WT1: variants seen among roughly 807,000 people sequenced by gnomAD.
The protein encoded by WT1 is WT1 transcription factor, also known as Wilms tumor protein.
Under a neutral mutation model 60.8 loss-of-function variants are expected in WT1, and 8 were observed. The ratio of observed to expected loss-of-function variants is 0.13; its 90% CI spans 0.08 to 0.24. The LOEUF is 0.24. Ranked by LOEUF, WT1 falls within the 10% of genes least tolerant of loss-of-function variation. The probability of loss-of-function intolerance (pLI) is 1.00; values close to 1 mark genes in which losing one functional copy is unlikely to be tolerated. For synonymous variants in WT1, 312 were observed against 297.1 expected, an observed-to-expected ratio of 1.05 and a Z score of -0.52; for missense variants, 568 against 711.8, an observed-to-expected ratio of 0.80 and a Z score of 2.30.
chr11:32,427,381 A>G (rs1853089307), intron 3 of WT1, among the ~76,000 whole-genome samples: 1 of 152,322 alleles, frequency 6.6e-6, no homozygotes, highest in East Asian at 1.9e-4. Flanking sequence ...CGCGGGCCAG[A>G]GCAGCCTCCC....
At chr11:32,395,835 T>C (rs1203473998) in intron 7 of WT1, among the ~76,000 whole-genome samples, 1 of 152,184 alleles carries the variant, frequency 6.6e-6, no homozygotes, top group Non-Finnish European at 1.5e-5. Context: ...TGATTATTAC[T>C]GACCCAAGCA....
rs766441234 is a variant in WT1 at position 32,435,091 on chromosome 11, G to C, written c.270C>G (p.Ser90=). ...GGGCACAGCCGCCGCCGCCACCCAG[G>C]GAGGGGACGGCGGGCAGCAGCGCGT... The change falls in exon 1 of 10, where the codon TCC becomes TCG. Residue 90 remains serine (S), a synonymous_variant. Coordinates refer to ENST00000452863, the MANE Select transcript of WT1 (RefSeq NM_024426.6). 6 of 1,503,678 alleles carry C rather than the reference G, an allele frequency of 4.0e-6. No individual in the cohort carries two copies. The South Asian group carries it at 7.4e-5, about 19-fold the overall frequency. The allele number at this position is 1,503,678 out of a possible 1,614,324, so 93.1% of individuals were successfully genotyped here.
chr11:32,423,716 G>A (rs1852929259), intron 3 of WT1, among the ~76,000 whole-genome samples: 1 of 152,216 alleles, frequency 6.6e-6, no homozygotes, highest in Non-Finnish European at 1.5e-5. Context: ...CAGGGCCTGA[G>A]TTTCCTCCTC....
At position 32,389,137 on chromosome 11, in the gene WT1, T is replaced by C. The variant is rs2132899147; in HGVS notation, c.1490A>G (p.Lys497Arg). 6.2e-7 allele frequency: 1 copy of C among 1,614,150 alleles called. No homozygotes were observed. The highest frequency in any genetic ancestry group is 8.5e-7 in the Non-Finnish European group (1 of 1,180,026). Reference sequence around the variant, plus strand: ...GACTAATTCATCTGACCGGGCAAACTTTTTCTGACAACTTGGCCACCGACA... The same window carrying C: ...GACTAATTCATCTGACCGGGCAAACCTTTTCTGACAACTTGGCCACCGACA... The change falls in exon 10 of 10, where the codon AAG becomes AGG. Residue 497 changes from lysine to arginine, a missense_variant. Transcript: ENST00000452863.
At chr11:32,409,974 T>G (rs899816048) in intron 5 of WT1, among the ~76,000 whole-genome samples, 1 of 152,198 alleles carries the variant, frequency 6.6e-6, no homozygotes, top group Non-Finnish European at 1.5e-5. Flanking sequence ...TTGCCCACAC[T>G]GGAGTGCAGT....
At chr11:32,427,432 G>C (rs1008220030) in intron 3 of WT1, among the ~76,000 whole-genome samples, 2 of 152,208 alleles carry the variant, frequency 1.3e-5, no homozygotes, top group Non-Finnish European at 2.9e-5. Context: ...CCTGCACCCC[G>C]GCCGGGGGCC....
At chr11:32,395,477 C>CTTT (rs757435741) in intron 7 of WT1, among the ~76,000 whole-genome samples, 1 of 143,820 alleles carries the variant, frequency 7.0e-6, no homozygotes, top group Non-Finnish European at 1.5e-5. Flanking sequence ...TCTCTCTCTC[C>CTTT]TTTTTTTTTT....
intron 3 of WT1, among the ~76,000 whole-genome samples, chr11:32,420,989 A>T (rs1179025409): frequency 6.6e-6 from 1 of 152,210 alleles, no homozygotes; most frequent in East Asian, 1.9e-4. Flanking sequence ...CAGAGATAGG[A>T]TCAGAGCACA....
chr11:32,431,603 A>ATT (rs111367482), intron 1 of WT1, among the ~76,000 whole-genome samples: 9 of 148,242 alleles, frequency 6.1e-5, no homozygotes, highest in African/African-American at 1.7e-4. Flanking sequence ...AGCCCGGCCA[A>ATT]TTTTTTTTTT....
chr11:32,388,922 G>T lies in WT1; in HGVS notation c.*136C>A. On this transcript the variant is annotated 3_prime_UTR_variant, in exon 10 of 10. Transcript: ENST00000452863. ...CACCTGGTAGTTTCCAGAAGCACCG[G>T]TATCTTGTCTTGGAAGTTGGATGAA... is the stretch of plus-strand genomic sequence containing the variant. The T allele has an allele frequency of 6.7e-7, 1 of 1,499,070 alleles. No individual in the cohort carries two copies. Among genetic ancestry groups the T allele is most frequent in the South Asian group, 1.2e-5 (1 of 84,458 alleles). 92.9% of individuals were successfully genotyped at this position (1,499,070 alleles called of 1,614,324 possible).
intron 6 of WT1, among the ~76,000 whole-genome samples, chr11:32,399,165 A>AG (rs1318485170): frequency 1.7e-4 from 26 of 151,836 alleles, no homozygotes; most frequent in African/African-American, 6.0e-4. Context: ...TCAAAAAAAA[A>AG]AAAAAGAAAA....
chr11:32,388,487 T>C lies in WT1; in HGVS notation c.*571A>G. On this transcript the variant is annotated 3_prime_UTR_variant, in exon 10 of 10. Transcript: ENST00000452863. ...TCAGCTGCTTGAAATGCATGAGCTT[T>C]AAAAGTTGCCTGGCAGAACTACATC... 1 of 239,880 alleles carries C rather than the reference T, an allele frequency of 4.2e-6. No individual in the cohort carries two copies. Among genetic ancestry groups the C allele is most frequent in the Non-Finnish European group, 8.2e-6 (1 of 121,312 alleles). The allele number at this position is 239,880 out of a possible 1,614,324, so 14.9% of individuals were successfully genotyped here.
chr11:32,425,589 C>T (rs1481376907), intron 3 of WT1, among the ~76,000 whole-genome samples: 1 of 152,150 alleles, frequency 6.6e-6, no homozygotes, highest in Non-Finnish European at 1.5e-5. Flanking sequence ...GCAAGGGAAG[C>T]ACATGATCTT....
chr11:32,435,392 G>C lies in WT1; in HGVS notation c.-32C>G, dbSNP rs1853486691. 6.6e-7 allele frequency: 1 copy of C among 1,513,586 alleles called. No homozygotes were observed. Among genetic ancestry groups the C allele is most frequent in the Admixed American group, 2.0e-5 (1 of 50,226 alleles). The allele number at this position is 1,513,586 out of a possible 1,614,324, so 93.8% of individuals were successfully genotyped here. ...GGCGAGGAGACGGCGGGGCCCGGGC[G>C]CCTGGGCTGCCGTCCCGGCTCTGGG... is the stretch of plus-strand genomic sequence containing the variant. On this transcript the variant is annotated 5_prime_UTR_variant, in exon 1 of 10. Coordinates refer to ENST00000452863, the MANE Select transcript of WT1 (RefSeq NM_024426.6).
chr11:32,417,391 G>C, intron 4 of WT1, 186 bp downstream of exon 4: 1 of 609,690 alleles, frequency 1.6e-6, no homozygotes, highest in Non-Finnish European at 2.9e-6. Flanking sequence ...CCACATTTAT[G>C]TTTTTGAAAA....
At chr11:32,432,481 A>G (rs959168483) in intron 1 of WT1, among the ~76,000 whole-genome samples, 1 of 152,254 alleles carries the variant, frequency 6.6e-6, no homozygotes, top group Non-Finnish European at 1.5e-5. Context: ...ATGAGCCTCA[A>G]GGGCTGGGTA....
In WT1 at chr11:32,402,842, C is replaced by T. The variant is rs559335389; in HGVS notation, c.1017-2798G>A. On this transcript the variant is annotated intron_variant, in intron 5 of 9. Coordinates refer to ENST00000452863, the MANE Select transcript of WT1 (RefSeq NM_024426.6). ...CCAGGATCACAGGAGTGAGCCACTG[C>T]CCCTGGCCTACTTTCCACATTTTCT... 2.6e-5 allele frequency among the ~76,000 whole-genome samples: 4 copies of T among 152,342 alleles called. No individual in the cohort carries two copies. In the South Asian group the frequency reaches 8.3e-4, roughly 32 times the overall value.
At chr11:32,397,933 G>A in intron 6 of WT1, among the ~76,000 whole-genome samples, 1 of 152,178 alleles carries the variant, frequency 6.6e-6, no homozygotes, top group East Asian at 1.9e-4. Flanking sequence ...AAGTGAGCCT[G>A]ACAAACTGGG....
At chr11:32,396,146 G>A (rs1590338475) in intron 7 of WT1, 111 bp downstream of exon 7, 1 of 1,481,886 alleles carries the variant, frequency 6.7e-7, no homozygotes, top group Non-Finnish European at 9.4e-7. Flanking sequence ...ACCTTTCAAA[G>A]CAGTGCTTAC....
Sources: gnomAD v4.1 joint callset for allele counts (sites outside exome capture counted in the v4.1 genomes callset) on GRCh38, gnomAD v4.1.1 for gene constraint, MANE v1.5 for transcripts, NCBI Gene and HGNC (gene_info 2026-07-23, HGNC 2026-07-21) for gene names.